Variants in ARHGEF18 observed in about 807,000 individuals in gnomAD.
The protein encoded by ARHGEF18 is Rho/Rac guanine nucleotide exchange factor 18, also known as rho guanine nucleotide exchange factor 18.
A neutral mutation model predicts 155.7 loss-of-function variants in ARHGEF18; 93 were observed. The ratio of observed to expected loss-of-function variants is 0.60; its 90% CI spans 0.50 to 0.71. The LOEUF is 0.71. ARHGEF18 is among the 30% of genes least tolerant of loss of function. The pLI is 0.00. For missense variants in ARHGEF18, 1,593 were observed against 1,816.1 expected (o/e 0.88, Z 2.23); for synonymous variants, 742 against 753.1 (o/e 0.99, Z 0.24).
intron 7 of ARHGEF18, among the ~76,000 whole-genome samples, chr19:7,379,635 C>T (rs557878587): frequency 6.6e-6 from 1 of 152,202 alleles, no homozygotes; most frequent in South Asian, 2.1e-4. Flanking sequence ...GGATAGAAGA[C>T]AAGAGTTGGA....
rs1568270204 is a variant in ARHGEF18, at chr19:7,367,844, A to ATATATATACACACATATATATATTT, written c.15+4947_15+4948insCACACATATATATATTTTATATATA. 5.2e-4 allele frequency among the ~76,000 whole-genome samples: 2 copies of ATATATATACACACATATATATATTT among 3,880 alleles called. 1 individual carries two copies. Among genetic ancestry groups the ATATATATACACACATATATATATTT allele is most frequent in the African/African-American group, 1.1e-3 (2 of 1,760 alleles). The allele number at this position is 3,880 out of a possible 152,430, so 2.5% of individuals were successfully genotyped here. ...ATATATATACACATATATATATTTT[A>ATATATATACACACATATATATATTT]TATATATATATACACATATATATTT... is the stretch of plus-strand genomic sequence containing the variant. On this transcript the variant is annotated intron_variant, in intron 2 of 28. Transcript: ENST00000668164.
intron 10 of ARHGEF18, among the ~76,000 whole-genome samples, chr19:7,413,020 C>G (rs889462545): frequency 6.6e-6 from 1 of 152,136 alleles, no homozygotes; most frequent in East Asian, 1.9e-4. Context: ...GTCACAGTTT[C>G]CCGTGACCTT....
chr19:7,433,534 T>C (rs1185587069), intron 10 of ARHGEF18, among the ~76,000 whole-genome samples: 6 of 97,720 alleles, frequency 6.1e-5, no homozygotes, highest in Non-Finnish European at 1.1e-4. Flanking sequence ...AAAAAAAAAG[T>C]GTATCAGGTT....
intron 13 of ARHGEF18, 53 bp downstream of exon 13, chr19:7,442,105 G>GCTCCCTCCCTTC: frequency 1.9e-6 from 3 of 1,589,394 alleles, no homozygotes; most frequent in South Asian, 1.1e-5. Flanking sequence ...TCTCTTCTCT[G>GCTCCCTCCCTTC]CTCCCTCCCT....
Position 7,463,690 on chromosome 19 carries a change from A to C in ARHGEF18, c.2636-128A>C. 1.7e-6 allele frequency: 2 copies of C among 1,184,934 alleles called. No homozygotes were observed. Among genetic ancestry groups the C allele is most frequent in the Non-Finnish European group, 2.3e-6 (2 of 858,236 alleles). 73.4% of individuals were successfully genotyped at this position (1,184,934 alleles called of 1,614,324 possible). ...GGGGCTGAAATCCCACGGCACACAGAAGGGGGCAGGCGATCACCACCCCAG... is the reference window on the plus strand; with the variant it reads ...GGGGCTGAAATCCCACGGCACACAGCAGGGGGCAGGCGATCACCACCCCAG... On this transcript the variant is annotated intron_variant, in intron 21 of 28. Transcript: ENST00000668164. This position sits in a 1 kb window ranked among gnomAD's most constrained non-coding sequence, Gnocchi z 5.2.
At chr19:7,352,405 A>G (rs1299818962) in intron 1 of ARHGEF18, among the ~76,000 whole-genome samples, 2 of 150,998 alleles carry the variant, frequency 1.3e-5, no homozygotes, top group African/African-American at 4.9e-5. Flanking sequence ...GATTGCTAAG[A>G]GCTACATTCA....
chr19:7,363,464 T>A (rs1006039655), intron 2 of ARHGEF18, among the ~76,000 whole-genome samples: 5 of 147,368 alleles, frequency 3.4e-5, no homozygotes, highest in Non-Finnish European at 1.5e-5. Flanking sequence ...GATGGGTGGA[T>A]TAAAGGAAGG....
Position 7,470,548 on chromosome 19 carries a change from A to T in ARHGEF18, c.*250A>T, listed in dbSNP as rs1340428765. 1 of 402,962 alleles carries T rather than the reference A, an allele frequency of 2.5e-6. No homozygotes were observed. Among genetic ancestry groups the T allele is most frequent in the Non-Finnish European group, 4.3e-6 (1 of 231,504 alleles). 25.0% of individuals were successfully genotyped at this position (402,962 alleles called of 1,614,324 possible). ...TTTTTTTCAAAAAGGAAAGTTTTTA[A>T]TGGAAAGTTGAGCCAGAACTAAACC... On this transcript the variant is annotated 3_prime_UTR_variant, in exon 29 of 29. Transcript: ENST00000668164. The surrounding 1 kb of genome is among the most constrained non-coding windows in gnomAD (Gnocchi z 5.9).
chr19:7,365,972 G>A (rs1430263953), intron 2 of ARHGEF18, among the ~76,000 whole-genome samples: 3 of 151,912 alleles, frequency 2.0e-5, no homozygotes, highest in South Asian at 4.1e-4. Flanking sequence ...TTGAGACAGG[G>A]TCTCACTCCA....
intron 2 of ARHGEF18, among the ~76,000 whole-genome samples, chr19:7,365,072 T>C (rs1026038735): frequency 3.3e-5 from 5 of 152,096 alleles, no homozygotes; most frequent in Non-Finnish European, 5.9e-5. Flanking sequence ...ATAAAGGGCA[T>C]CCCATGTACC....
intron 10 of ARHGEF18, among the ~76,000 whole-genome samples, chr19:7,427,765 G>A (rs1051895399): frequency 2.0e-5 from 3 of 151,994 alleles, no homozygotes; most frequent in Admixed American, 2.0e-4. Context: ...GAGAAACATG[G>A]TGAAACCCTG....
At chr19:7,478,440 C>T in the ARHGEF18 span, 16 of 1,521,222 alleles carry the variant, frequency 1.1e-5, no homozygotes, top group Non-Finnish European at 1.4e-5. Flanking sequence ...CTCCACAACG[C>T]TGGCCCCGGA....
chr19:7,368,275 AC>A (rs1328197066), intron 2 of ARHGEF18, among the ~76,000 whole-genome samples: 1 of 151,872 alleles, frequency 6.6e-6, no homozygotes, highest in African/African-American at 2.4e-5. Context: ...GGGCTGTTTC[AC>A]CTCTGGATTT....
Position 7,463,898 on chromosome 19 carries a change from C to T in ARHGEF18, c.2716C>T (p.Pro906Ser). 1 of 1,600,236 alleles carries T rather than the reference C, an allele frequency of 6.2e-7. No individual in the cohort carries two copies. The highest frequency in any genetic ancestry group is 8.5e-7 in the Non-Finnish European group (1 of 1,174,066). ...GGAAGACGGAGGCAGCTCCACAGGC[C>T]CGCCCAGGAGGGCTGAGACCTTCGC... ...QAEDGGSSTG[P>S]PRRAETFAGY... is the part of the protein sequence containing the mutation. The change falls in exon 22 of 29, where the codon CCG becomes TCG. Residue 906 changes from proline (P) to serine (S), a missense_variant. Pro to Ser is a moderately conservative substitution (Grantham distance 74). Transcript: ENST00000668164. The surrounding 1 kb of genome is among the most constrained non-coding windows in gnomAD (Gnocchi z 5.2).
At chr19:7,376,942 C>A (rs74255771) in intron 5 of ARHGEF18, among the ~76,000 whole-genome samples, 185 bp downstream of exon 5, 1 of 152,026 alleles carries the variant, frequency 6.6e-6, no homozygotes, top group Admixed American at 6.6e-5. Flanking sequence ...CTGAGCAGAA[C>A]GCTGGGGGAA....
chr19:7,375,387 GAAGGAAGGAAGAAAGGAAGGAAGAA>G lies in ARHGEF18; in HGVS notation c.276-304_276-280del, dbSNP rs1351040707. ...GAAGGAAGGAAGGAAGAAAGAAAAG[GAAGGAAGGAAGAAAGGAAGGAAGAA>G]AAGGAAGGAAGAAAGGAAGGAAGAA... On this transcript the variant is annotated intron_variant, in intron 3 of 28. Transcript: ENST00000668164. Among the ~76,000 whole-genome samples the G allele has an allele frequency of 4.2e-4, 60 of 144,464 alleles. 1 individual carries two copies. Among genetic ancestry groups the G allele is most frequent in the Non-Finnish European group, 6.3e-4 (42 of 66,282 alleles). The allele number at this position is 144,464 out of a possible 152,430, so 94.8% of individuals were successfully genotyped here.
At position 7,383,175 on chromosome 19, in the gene ARHGEF18, CCT is replaced by C. The variant is rs1196212808; in HGVS notation, c.940_941del (p.Leu314ValfsTer63). 1.8e-5 allele frequency: 22 copies of C among 1,232,282 alleles called. No individual in the cohort carries two copies. Among genetic ancestry groups the C allele is most frequent in the Middle Eastern group, 3.1e-4 (1 of 3,208 alleles). 76.3% of individuals were successfully genotyped at this position (1,232,282 alleles called of 1,614,324 possible). On this transcript the variant is annotated frameshift_variant, in exon 10 of 29. Coordinates refer to ENST00000668164, the MANE Select transcript of ARHGEF18 (RefSeq NM_001367823.1). LOFTEE classifies it high-confidence loss of function. The part of the protein sequence containing the change: ...GTFSGPSSCP[L>X]CGKPFLSSAS... ...CCTTCTCCGGCCCCTCCAGCTGCCC[CCT>C]GTGTGGCAAACCTTTCTTGAGCTCA...
chr19:7,475,525 AACAC>A (rs145950630), downstream of ARHGEF18, among the ~76,000 whole-genome samples: 588 of 150,452 alleles, frequency 3.9e-3, 4 homozygotes, highest in African/African-American at 0.013. Context: ...AAACTGTTTA[AACAC>A]ACACACACAC....
chr19:7,370,668 AG>A (rs1339100234), intron 2 of ARHGEF18, among the ~76,000 whole-genome samples: 3 of 152,168 alleles, frequency 2.0e-5, no homozygotes, highest in Admixed American at 2.0e-4. Flanking sequence ...AGATGGAAAG[AG>A]CCCAGGTGTC....
Sources: allele counts gnomAD v4.1 joint callset (sites outside exome capture counted in the v4.1 genomes callset), GRCh38; gene constraint gnomAD v4.1.1; non-coding constraint Gnocchi (gnomAD v3.1); transcripts MANE v1.5; gene names NCBI Gene and HGNC (gene_info 2026-07-23, HGNC 2026-07-21).